The following DDX59 variants were observed in gnomAD, a reference collection of about 807,000 sequenced individuals.
DDX59 encodes the protein probable ATP-dependent RNA helicase DDX59.
A neutral mutation model predicts 51.9 loss-of-function variants in DDX59; 30 were observed. That is an observed-to-expected ratio of 0.58 (90% confidence interval 0.43 to 0.78). The LOEUF is 0.78. Among genes scored for constraint, DDX59 ranks in the 30% least tolerant of loss-of-function variants. DDX59 has a pLI of 0.00. For missense variants in DDX59, 672 were observed against 730.8 expected (o/e 0.92, Z 0.93); for synonymous variants, 255 against 253.3 (o/e 1.01, Z -0.06).
At chr1:200,657,314 T>C (rs988524166) in intron 4 of DDX59, among the ~76,000 whole-genome samples, 4 of 149,864 alleles carry the variant, frequency 2.7e-5, no homozygotes, top group Non-Finnish European at 5.9e-5. Context: ...TTTAAGAACA[T>C]GGGGCTTATC....
chr1:200,664,089 G>A lies in DDX59; in HGVS notation c.805-3C>T, dbSNP rs1662557718. 1 of 1,605,706 alleles carries A rather than the reference G, an allele frequency of 6.2e-7. No individual in the cohort carries two copies. The highest frequency in any genetic ancestry group is 8.5e-7 in the Non-Finnish European group (1 of 1,177,618). On this transcript the variant is annotated splice_region_variant and splice_polypyrimidine_tract_variant and intron_variant, in intron 2 of 7. Coordinates refer to ENST00000331314, the MANE Select transcript of DDX59 (RefSeq NM_001031725.6). ...ATGAGCGCAGATGGAGTTTTGCTCTGCAAAGATGTGAAAAACAAGTTTAAA... is the reference window on the plus strand; with the variant it reads ...ATGAGCGCAGATGGAGTTTTGCTCTACAAAGATGTGAAAAACAAGTTTAAA...
Position 200,648,581 on chromosome 1 carries a change from CA to C in DDX59, c.1468-15del, listed in dbSNP as rs761665792. On this transcript the variant is annotated splice_polypyrimidine_tract_variant and intron_variant, in intron 6 of 7. Coordinates refer to ENST00000331314, the MANE Select transcript of DDX59 (RefSeq NM_001031725.6). ...TTCAAGTAATCCCTTTCCAAAAAAG[CA>C]ACAAAATTTATTATTCAGAATTTAT... 5.2e-5 allele frequency: 83 copies of C among 1,598,802 alleles called. No homozygotes were observed. The highest frequency in any genetic ancestry group is 7.1e-5 in the Non-Finnish European group (83 of 1,173,690).
chr1:200,667,341 C>T (rs568008988), intron 1 of DDX59, among the ~76,000 whole-genome samples: 4 of 152,168 alleles, frequency 2.6e-5, no homozygotes, highest in African/African-American at 7.2e-5. Flanking sequence ...GCGGAGGTTG[C>T]GGTGAGCCTA....
intron 3 of DDX59, among the ~76,000 whole-genome samples, chr1:200,660,450 C>T (rs973993148): frequency 2.6e-5 from 4 of 152,026 alleles, no homozygotes; most frequent in African/African-American, 9.7e-5. Flanking sequence ...CACAGAAAGG[C>T]GGCCCTGCAT....
intron 6 of DDX59, 120 bp from the exon 7 acceptor site, chr1:200,648,687 A>G (rs1571613347): frequency 1.6e-6 from 2 of 1,226,806 alleles, no homozygotes; most frequent in Non-Finnish European, 2.2e-6. Context: ...TATTTTTTCA[A>G]TAAGTAAAGG....
chr1:200,667,898 A>G (rs943080567), intron 1 of DDX59, among the ~76,000 whole-genome samples: 2 of 152,112 alleles, frequency 1.3e-5, no homozygotes, highest in African/African-American at 4.8e-5. Flanking sequence ...AGTATAGCAT[A>G]ATGAAAAAAT....
Position 200,666,196 on chromosome 1 carries a change from A to C in DDX59, c.545T>G (p.Ile182Ser), listed in dbSNP as rs1423523679. ...TCCCAGCTGCTGTTTAAGATTTTCA[A>C]TCTGGTCTTCCTGAAGGTTCAAAAT... ...PFILNLQEDQIENLKQQLGIL... is the reference protein window; with the variant it reads ...PFILNLQEDQSENLKQQLGIL... Residue 182 changes from isoleucine (I) to serine (S), a missense_variant, in exon 2 of 8, where the codon ATT becomes AGT. Transcript: ENST00000331314. 1.2e-6 allele frequency: 2 copies of C among 1,614,084 alleles called. No homozygotes were observed. Among genetic ancestry groups the C allele is most frequent in the Non-Finnish European group, 1.7e-6 (2 of 1,180,036 alleles).
rs1662848241 is a variant in DDX59, at chr1:200,667,519, G to GT, written c.-11-769dup. On this transcript the variant is annotated intron_variant, in intron 1 of 7. Coordinates refer to ENST00000331314, the MANE Select transcript of DDX59 (RefSeq NM_001031725.6). ...CCTCTTCCTCACACATAGCAGTGTTGTAACACTGCACACTGCTCAACATAG... is the reference window on the plus strand; with the variant it reads ...CCTCTTCCTCACACATAGCAGTGTTGTTAACACTGCACACTGCTCAACATAG... Among the ~76,000 whole-genome samples the GT allele has an allele frequency of 2.0e-5, 3 of 152,278 alleles. No homozygotes were observed. In the South Asian group the frequency reaches 6.2e-4, roughly 32 times the overall value.
At chr1:200,655,460 T>C (rs1374592594) in intron 4 of DDX59, among the ~76,000 whole-genome samples, 1 of 152,208 alleles carries the variant, frequency 6.6e-6, no homozygotes, top group African/African-American at 2.4e-5. Flanking sequence ...CTCAATAATT[T>C]AGAAAGCCTC....
intron 4 of DDX59, 134 bp downstream of exon 4, chr1:200,658,893 T>C (rs1662200479): frequency 1.5e-6 from 1 of 664,334 alleles, no homozygotes; most frequent in Non-Finnish European, 2.6e-6. Context: ...AGGAACCTGC[T>C]GCAATGCTTT....
downstream of DDX59, among the ~76,000 whole-genome samples, chr1:200,641,725 CTG>C (rs1424567795): frequency 1.3e-5 from 2 of 152,046 alleles, no homozygotes; most frequent in Admixed American, 6.6e-5. Flanking sequence ...AAAAATTAGG[CTG>C]TGTGTGGTGG....
At chr1:200,653,365 T>C (rs2102870843) in intron 4 of DDX59, among the ~76,000 whole-genome samples, 1 of 152,222 alleles carries the variant, frequency 6.6e-6, no homozygotes, top group South Asian at 2.1e-4. Flanking sequence ...CATCAGAAAC[T>C]CTTATTTCAT....
chr1:200,653,893 C>T (rs1661830459), intron 4 of DDX59, among the ~76,000 whole-genome samples: 1 of 152,192 alleles, frequency 6.6e-6, no homozygotes, highest in South Asian at 2.1e-4. Flanking sequence ...CCCCCCTCCC[C>T]TCGTTGCCAC....
At chr1:200,641,178 T>C, downstream of DDX59, 1 of 1,304,710 alleles carries the variant, frequency 7.7e-7, no homozygotes, top group Middle Eastern at 2.1e-4. Flanking sequence ...TTGATTGTGG[T>C]GAGTAGACTG....
At chr1:200,649,346 A>G (rs2102851669) in intron 5 of DDX59, 120 bp from the exon 6 acceptor site, 2 of 1,045,570 alleles carry the variant, frequency 1.9e-6, no homozygotes, top group East Asian at 2.9e-5. Flanking sequence ...GTTAAGAAGG[A>G]GGCTGGGCGC....
intron 2 of DDX59, among the ~76,000 whole-genome samples, chr1:200,664,466 C>T (rs750340782): frequency 3.7e-4 from 57 of 152,296 alleles, no homozygotes; most frequent in Non-Finnish European, 6.6e-4. Context: ...CTTGGTCTTT[C>T]CCTCTTAGCT....
intron 4 of DDX59, among the ~76,000 whole-genome samples, chr1:200,651,282 T>C (rs1661644007): frequency 6.6e-6 from 1 of 152,190 alleles, no homozygotes; most frequent in Non-Finnish European, 1.5e-5. Context: ...GGGGCTGCTA[T>C]GGTCTGAACT....
chr1:200,650,640 CTTG>C lies in DDX59; in HGVS notation c.1096_1098del (p.Gln366del), dbSNP rs774638984. 14 of 1,613,330 alleles carry C rather than the reference CTTG, an allele frequency of 8.7e-6. No individual in the cohort carries two copies. Among genetic ancestry groups the C allele is most frequent in the Non-Finnish European group, 3.4e-6 (4 of 1,179,610 alleles). ...GGAATGTTTTCCAAAATGTCAAGCA[CTTG>C]TTGTTGAAAACCCATCTTTAACATG... On this transcript the variant is annotated inframe_deletion, in exon 5 of 8. Transcript: ENST00000331314.
intron 7 of DDX59, among the ~76,000 whole-genome samples, chr1:200,647,691 G>A (rs752910418): frequency 2.6e-5 from 4 of 151,680 alleles, no homozygotes; most frequent in African/African-American, 7.3e-5. Context: ...TTAAAAGCAG[G>A]CCAGGCGTGG....
Sources: gnomAD v4.1 joint callset for allele counts (sites outside exome capture counted in the v4.1 genomes callset) on GRCh38, gnomAD v4.1.1 for gene constraint, MANE v1.5 for transcripts, NCBI Gene and HGNC (gene_info 2026-07-23, HGNC 2026-07-21) for gene names.